Variants in HDAC9 observed in about 807,000 individuals in gnomAD.
The protein encoded by HDAC9 is histone deacetylase 9.
A neutral mutation model predicts 139.4 loss-of-function variants in HDAC9; 41 were observed. That is an observed-to-expected ratio of 0.29 (90% CI 0.23 to 0.38). The LOEUF is 0.38. Ranked by LOEUF, HDAC9 falls within the 10% of genes least tolerant of loss-of-function variation. The pLI is 1.00. For missense variants in HDAC9, 1,147 were observed against 1,297.0 expected (o/e 0.88, Z 1.78); for synonymous variants, 517 against 476.2 (o/e 1.09, Z -1.12).
intron 2 of HDAC9, among the ~76,000 whole-genome samples, chr7:18,223,162 T>C (rs1242354996): frequency 6.6e-6 from 1 of 152,168 alleles, no homozygotes; most frequent in East Asian, 1.9e-4. Context: ...TCATGACATG[T>C]ACCTTGTTTT....
At chr7:18,402,261 C>G (rs1787615107) in intron 1 of HDAC9, among the ~76,000 whole-genome samples, 1 of 152,108 alleles carries the variant, frequency 6.6e-6, no homozygotes, top group African/African-American at 2.4e-5. Flanking sequence ...CATAAAAATA[C>G]AGTAAGCTCA....
chr7:18,566,334 C>T (rs1822337279), intron 2 of HDAC9, among the ~76,000 whole-genome samples: 1 of 152,146 alleles, frequency 6.6e-6, no homozygotes, highest in African/African-American at 2.4e-5. Context: ...GCTTTCAATT[C>T]TCTATCATTT....
chr7:18,414,882 C>G (rs1393127554), intron 1 of HDAC9, among the ~76,000 whole-genome samples: 2 of 152,270 alleles, frequency 1.3e-5, no homozygotes, highest in South Asian at 2.1e-4. Flanking sequence ...CCTCCTCTTC[C>G]TTTTTGTAGA....
chr7:18,842,866 G>C (rs1035665913), intron 21 of HDAC9, among the ~76,000 whole-genome samples: 5 of 152,062 alleles, frequency 3.3e-5, no homozygotes, highest in Non-Finnish European at 7.4e-5. Flanking sequence ...GCATCAAAGA[G>C]ATATGATATT....
intron 21 of HDAC9, chr7:18,851,448 T>C: frequency 6.6e-6 from 1 of 152,656 alleles, no homozygotes; most frequent in Non-Finnish European, 1.5e-5. Flanking sequence ...CGTTCCGCCA[T>C]GATTGTAAGT....
chr7:18,390,394 C>T (rs1237107932), intron 1 of HDAC9, among the ~76,000 whole-genome samples: 2 of 152,062 alleles, frequency 1.3e-5, no homozygotes, highest in African/African-American at 4.8e-5. Flanking sequence ...CTCACAGCAA[C>T]CATTGGTTCC....
chr7:18,620,949 C>G (rs1840050285), intron 6 of HDAC9, among the ~76,000 whole-genome samples: 1 of 152,172 alleles, frequency 6.6e-6, no homozygotes, highest in Non-Finnish European at 1.5e-5. Flanking sequence ...CTAGAAAACT[C>G]ACACAATGAT....
chr7:18,558,575 C>T (rs1345799927), intron 2 of HDAC9, among the ~76,000 whole-genome samples: 1 of 151,956 alleles, frequency 6.6e-6, no homozygotes, highest in Non-Finnish European at 1.5e-5. Context: ...AGATTTAGTC[C>T]CTCTATTGTA....
chr7:18,784,944 TGTGTG>T (rs1201210017), intron 16 of HDAC9, among the ~76,000 whole-genome samples: 1 of 5,106 alleles, frequency 2.0e-4, no homozygotes, highest in East Asian at 6.0e-4. Flanking sequence ...AGCAATTGCT[TGTGTG>T]TGTGTGTGTG....
At chr7:18,350,591 G>T (rs1338954616) in intron 1 of HDAC9, among the ~76,000 whole-genome samples, 1 of 152,164 alleles carries the variant, frequency 6.6e-6, no homozygotes, top group Admixed American at 6.5e-5. Context: ...TTGGAAGTGA[G>T]AAGGTGGATA....
chr7:18,801,393 GTTATA>G (rs1216266461), intron 17 of HDAC9, among the ~76,000 whole-genome samples: 1 of 151,912 alleles, frequency 6.6e-6, no homozygotes, highest in African/African-American at 2.4e-5. Context: ...AATGTGATAA[GTTATA>G]TTAATTAAAT....
At chr7:18,344,217 T>TAGTG (rs1370859509) in intron 1 of HDAC9, among the ~76,000 whole-genome samples, 1 of 151,960 alleles carries the variant, frequency 6.6e-6, no homozygotes, top group African/African-American at 2.4e-5. Context: ...ATGCTATGAC[T>TAGTG]AGTGTCTTGA....
chr7:18,333,242 T>C (rs916713558), intron 1 of HDAC9, among the ~76,000 whole-genome samples: 1 of 151,502 alleles, frequency 6.6e-6, no homozygotes, highest in South Asian at 2.1e-4. Context: ...TCTTTACCAT[T>C]GGATGGGGTG....
chr7:18,919,030 A>T (rs1307193910), intron 22 of HDAC9, among the ~76,000 whole-genome samples: 2 of 152,074 alleles, frequency 1.3e-5, no homozygotes, highest in African/African-American at 4.8e-5. Context: ...AGGTAATTAC[A>T]ACATAGAAAA....
chr7:18,660,713 G>T (rs997504215), intron 11 of HDAC9, among the ~76,000 whole-genome samples: 2 of 152,140 alleles, frequency 1.3e-5, no homozygotes, highest in African/African-American at 2.4e-5. Flanking sequence ...AGTCAGGCAT[G>T]TAAAGATTTG....
At chr7:18,934,312 A>G (rs1781472118) in intron 22 of HDAC9, among the ~76,000 whole-genome samples, 2 of 152,054 alleles carry the variant, frequency 1.3e-5, no homozygotes, top group African/African-American at 2.4e-5. Context: ...CAACCACATC[A>G]AAATTCATTA....
intron 8 of HDAC9, among the ~76,000 whole-genome samples, chr7:18,637,429 C>A (rs1158457136): frequency 1.3e-5 from 2 of 152,022 alleles, no homozygotes; most frequent in Non-Finnish European, 2.9e-5. Flanking sequence ...TGGCACAAAT[C>A]ATCTGTTTAG....
At chr7:18,922,871 T>C (rs1803881780) in intron 22 of HDAC9, among the ~76,000 whole-genome samples, 1 of 152,080 alleles carries the variant, frequency 6.6e-6, no homozygotes, top group Non-Finnish European at 1.5e-5. Flanking sequence ...GCAGTTAACA[T>C]TTTTATGGTA....
chr7:18,761,365 G>T (rs758852660), intron 14 of HDAC9, among the ~76,000 whole-genome samples: 5 of 152,344 alleles, frequency 3.3e-5, no homozygotes, highest in Non-Finnish European at 5.9e-5. Context: ...GGAGTCTAGA[G>T]TGTCTCAAAC....
Sources: gnomAD v4.1 joint callset for allele counts (sites outside exome capture counted in the v4.1 genomes callset) on GRCh38, gnomAD v4.1.1 for gene constraint, MANE v1.5 for transcripts, NCBI Gene and HGNC (gene_info 2026-07-23, HGNC 2026-07-21) for gene names.